SYT14: variants seen among roughly 807,000 people sequenced by gnomAD.
SYT14 encodes the protein synaptotagmin-14.
Under a neutral mutation model 74.2 loss-of-function variants are expected in SYT14, and 32 were observed. The ratio of observed to expected loss-of-function variants is 0.43; its 90% CI spans 0.33 to 0.58. The LOEUF (loss-of-function observed/expected upper bound fraction) is 0.58. SYT14 is among the 20% of genes least tolerant of loss of function. The probability of loss-of-function intolerance (pLI) is 0.05; values close to 1 mark genes in which losing one functional copy is unlikely to be tolerated. For synonymous variants in SYT14, 298 were observed against 337.7 expected (o/e 0.88, Z 1.29); for missense variants, 791 against 981.8 (o/e 0.81, Z 2.60).
chr1:209,962,230 A>G (rs1051245701), intron 2 of SYT14, among the ~76,000 whole-genome samples: 5 of 151,394 alleles, frequency 3.3e-5, no homozygotes, highest in Admixed American at 1.3e-4. Context: ...TATTTATGCC[A>G]TTTTCGTTTT....
In SYT14 at chr1:210,106,569, G is replaced by A. The variant is rs111237994; in HGVS notation, c.2034+6108G>A. On this transcript the variant is annotated intron_variant, in intron 7 of 9. Transcript: ENST00000637265. ...GTCCTTCTCCACATGGCGGCAACAA[G>A]GAGAAGTGCCAAGGAAAAGGGGGAA... Among the ~76,000 whole-genome samples, 1,439 of 152,254 alleles carry A rather than the reference G, an allele frequency of 9.5e-3. 19 individuals are homozygous for A. The highest frequency in any genetic ancestry group is 0.033 in the African/African-American group (1,361 of 41,536).
chr1:209,983,096 T>G (rs2102807243), intron 2 of SYT14, among the ~76,000 whole-genome samples: 1 of 152,242 alleles, frequency 6.6e-6, no homozygotes, highest in South Asian at 2.1e-4. Context: ...TTTGAAACAG[T>G]CCTTTATCAA....
At chr1:210,168,523 GATAAA>G (rs1338890042) in exon 10 of SYT14, 1 of 152,058 alleles carries the variant, frequency 6.6e-6, no homozygotes, top group African/African-American at 2.4e-5. Flanking sequence ...TGAATTAATA[GATAAA>G]ATATAATACT....
exon 4 of SYT14, chr1:210,015,900 A>G (rs2080173831): frequency 1.6e-6 from 2 of 1,228,814 alleles, no homozygotes; most frequent in South Asian, 8.5e-5. Flanking sequence ...TGAGCTGACG[A>G]ATAGCAACAT....
intron 5 of SYT14, among the ~76,000 whole-genome samples, chr1:210,075,574 C>A (rs899630816): frequency 6.7e-6 from 1 of 148,996 alleles, no homozygotes; most frequent in South Asian, 2.2e-4. Context: ...ACCTCGTGAT[C>A]CGCCTGCCTC....
chr1:210,091,909 C>A (rs2081876009), intron 5 of SYT14, among the ~76,000 whole-genome samples: 2 of 152,080 alleles, frequency 1.3e-5, no homozygotes, highest in African/African-American at 2.4e-5. Context: ...GCAATATGCT[C>A]AAGACTTCTA....
chr1:209,986,840 T>G (rs1050757056), intron 2 of SYT14, among the ~76,000 whole-genome samples: 7 of 152,192 alleles, frequency 4.6e-5, no homozygotes, highest in African/African-American at 1.7e-4. Context: ...GTCAGGCTGG[T>G]CTTGAACTCC....
intron 1 of SYT14, among the ~76,000 whole-genome samples, chr1:209,950,395 A>C (rs1480955452): frequency 6.6e-6 from 1 of 152,188 alleles, no homozygotes; most frequent in Non-Finnish European, 1.5e-5. Flanking sequence ...TCATTGGACT[A>C]GTATCTCCTC....
At chr1:209,939,568 A>G (rs1157630651) in intron 1 of SYT14, among the ~76,000 whole-genome samples, 2 of 152,232 alleles carry the variant, frequency 1.3e-5, no homozygotes, top group Admixed American at 6.5e-5. Context: ...CCTATAATCT[A>G]TGATGTTCCT....
At chr1:209,969,136 C>T (rs569304848) in intron 2 of SYT14, among the ~76,000 whole-genome samples, 1 of 152,180 alleles carries the variant, frequency 6.6e-6, no homozygotes, top group African/African-American at 2.4e-5. Context: ...TTTCTTTATT[C>T]AATCCACTGT....
chr1:210,063,912 C>T (rs1269307475), intron 5 of SYT14, among the ~76,000 whole-genome samples: 3 of 151,748 alleles, frequency 2.0e-5, no homozygotes, highest in Admixed American at 2.0e-4. Context: ...GATATAACAG[C>T]CTTCTAATCT....
At chr1:210,103,455 CAGG>C (rs1451835807) in intron 7 of SYT14, among the ~76,000 whole-genome samples, 5 of 145,128 alleles carry the variant, frequency 3.4e-5, no homozygotes, top group Admixed American at 7.4e-5. Flanking sequence ...GAGGCTGAGA[CAGG>C]AGAATGGTGT....
chr1:210,079,976 G>A (rs1161636256), intron 5 of SYT14, among the ~76,000 whole-genome samples: 18 of 151,984 alleles, frequency 1.2e-4, no homozygotes, highest in Admixed American at 9.8e-4. Context: ...AAGAAATTCT[G>A]GTCTTTGTTG....
At position 210,148,508 on chromosome 1, in the gene SYT14, C is replaced by CA. The variant is rs11295049; in HGVS notation, c.2035-7198dup. ...TGGGCGACAGAGCAAAACTCCGTCT[C>CA]AAAAAAAAAAAAAAAGGACATAACC... On this transcript the variant is annotated intron_variant, in intron 7 of 9. Coordinates refer to ENST00000637265, the Ensembl canonical transcript of SYT14. Among the ~76,000 whole-genome samples the CA allele has an allele frequency of 3.6e-3, 454 of 127,452 alleles. 4 individuals are homozygous for CA. In the Middle Eastern group the frequency reaches 0.046, roughly 13 times the overall value. 83.6% of individuals were successfully genotyped at this position (127,452 alleles called of 152,430 possible).
exon 10 of SYT14, chr1:210,166,526 A>C (rs548362114): frequency 2.5e-4 from 38 of 149,622 alleles, no homozygotes; most frequent in Admixed American, 2.3e-3. Flanking sequence ...AGATAGCGCC[A>C]CTGCACTTCA....
intron 3 of SYT14, among the ~76,000 whole-genome samples, chr1:210,014,173 C>CT (rs2080140425): frequency 6.6e-6 from 1 of 152,018 alleles, no homozygotes; most frequent in Non-Finnish European, 1.5e-5. Context: ...CCCTAGAATG[C>CT]TTTTGAAAGT....
At chr1:210,045,710 G>A (rs2080872221) in intron 5 of SYT14, among the ~76,000 whole-genome samples, 1 of 152,094 alleles carries the variant, frequency 6.6e-6, no homozygotes, top group African/African-American at 2.4e-5. Context: ...GTAAATAGGA[G>A]ACTGTATAAA....
intron 2 of SYT14, among the ~76,000 whole-genome samples, chr1:209,984,405 A>G (rs2079538272): frequency 1.3e-5 from 2 of 151,902 alleles, no homozygotes; most frequent in African/African-American, 2.4e-5. Context: ...GATTCTGACA[A>G]TTTTTTCCTG....
chr1:210,159,551 T>A, intron 9 of SYT14, 74 bp downstream of exon 8: 1 of 1,311,754 alleles, frequency 7.6e-7, no homozygotes, highest in Non-Finnish European at 1.1e-6. Flanking sequence ...TTGCCAGCAG[T>A]GAAGCTGTCC....
Sources: gnomAD v4.1 joint callset for allele counts (sites outside exome capture counted in the v4.1 genomes callset) on GRCh38, gnomAD v4.1.1 for gene constraint, MANE v1.5 for transcripts, NCBI Gene and HGNC (gene_info 2026-07-23, HGNC 2026-07-21) for gene names.